Variants in COL27A1 observed in about 807,000 individuals in gnomAD.
COL27A1 encodes the protein collagen type XXVII alpha 1 chain.
A neutral mutation model predicts 251.3 loss-of-function variants in COL27A1; 106 were observed. The ratio of observed to expected loss-of-function variants is 0.42; its 90% CI spans 0.36 to 0.50. COL27A1 has a LOEUF of 0.50. Ranked by LOEUF, COL27A1 falls within the 20% of genes least tolerant of loss-of-function variation. COL27A1 has a pLI of 0.00. For synonymous variants in COL27A1, 1,000 were observed against 986.3 expected, an observed-to-expected ratio of 1.01 and a Z score of -0.26; for missense variants, 2,325 against 2,522.8, an observed-to-expected ratio of 0.92 and a Z score of 1.68.
chr9:114,243,924 C>G, intron 23 of COL27A1, among the ~76,000 whole-genome samples: 1 of 138,082 alleles, frequency 7.2e-6, no homozygotes, highest in Non-Finnish European at 1.5e-5. Flanking sequence ...TTTTTTCTTT[C>G]ATTTTTTTTT....
intron 32 of COL27A1, among the ~76,000 whole-genome samples, chr9:114,266,060 G>T (rs528503374): frequency 6.6e-6 from 1 of 152,166 alleles, no homozygotes; most frequent in East Asian, 1.9e-4. Flanking sequence ...CTGGAGAGTG[G>T]TGCTACAAGA....
At chr9:114,264,238 G>A in intron 28 of COL27A1, 117 bp from the exon 29 acceptor site, 2 of 718,822 alleles carry the variant, frequency 2.8e-6, no homozygotes, top group Admixed American at 3.3e-5. Context: ...GGGAGGAGGA[G>A]GGGGCCGGAG....
At chr9:114,296,864 A>G (rs573168374) in intron 49 of COL27A1, among the ~76,000 whole-genome samples, 9 of 152,248 alleles carry the variant, frequency 5.9e-5, no homozygotes, top group Non-Finnish European at 1.3e-4. Flanking sequence ...AATACAATTC[A>G]TCAGTAAATG....
At chr9:114,264,519 C>A in intron 29 of COL27A1, 111 bp downstream of exon 29, 2 of 823,826 alleles carry the variant, frequency 2.4e-6, no homozygotes, top group South Asian at 2.4e-5. Context: ...ACAAAGGGAG[C>A]CCCATGGAGG....
intron 5 of COL27A1, among the ~76,000 whole-genome samples, chr9:114,190,398 G>A (rs1828673182): frequency 6.6e-6 from 1 of 152,146 alleles, no homozygotes; most frequent in Non-Finnish European, 1.5e-5. Flanking sequence ...AGCCTCCCAA[G>A]TAGCTGGGAC....
At position 114,310,597 on chromosome 9, in the gene COL27A1, G is replaced by A; in HGVS notation, c.5485G>A (p.Asp1829Asn). The change falls in exon 61 of 61, where the codon GAC becomes AAC. Residue 1829 changes from aspartate (D) to asparagine (N), a missense_variant. Physicochemically the swap from Asp to Asn is conservative, Grantham distance 23. Around this residue, in one of 4 missense-constraint regions of COL27A1, gnomAD observed 327 missense variants for 442.8 expected, o/e 0.74. Transcript: ENST00000356083. The stretch of plus-strand genomic sequence containing the variant: ...GACACTCTTCACCTTCCGGACCCAA[G>A]ACCCCCAACAGCTGCCCATCATCAG... ...HQTLFTFRTQ[D>N]PQQLPIISVD... 6.2e-7 allele frequency: 1 copy of A among 1,614,194 alleles called. No homozygotes were observed. The highest frequency in any genetic ancestry group is 8.5e-7 in the Non-Finnish European group (1 of 1,180,044).
chr9:114,206,244 T>C lies in COL27A1; in HGVS notation c.2224-8T>C. On this transcript the variant is annotated splice_polypyrimidine_tract_variant and splice_region_variant and intron_variant, in intron 9 of 60. Coordinates refer to ENST00000356083, the MANE Select transcript of COL27A1 (RefSeq NM_032888.4). ...TATGTCCTTGCCCCTCTGTGTTTTG[T>C]GTTTCAGGGGTTACCTGGACCGGTA... is the stretch of plus-strand genomic sequence containing the variant. 6.2e-7 allele frequency: 1 copy of C among 1,614,054 alleles called. No individual in the cohort carries two copies. The highest frequency in any genetic ancestry group is 1.3e-5 in the African/African-American group (1 of 75,042).
intron 12 of COL27A1, among the ~76,000 whole-genome samples, chr9:114,215,007 C>A (rs1371567012): frequency 6.6e-6 from 1 of 152,248 alleles, no homozygotes; most frequent in East Asian, 1.9e-4. Flanking sequence ...TACTTTCAAG[C>A]CTGCTGGGAT....
At chr9:114,243,674 G>A (rs139256185) in intron 23 of COL27A1, 114 bp downstream of exon 23, 1 of 845,770 alleles carries the variant, frequency 1.2e-6, no homozygotes, top group South Asian at 1.7e-5. Context: ...GAAAAAAATT[G>A]GTTCCTGTTT....
intron 28 of COL27A1, among the ~76,000 whole-genome samples, chr9:114,262,715 G>A (rs1360429567): frequency 1.3e-5 from 2 of 152,224 alleles, no homozygotes; most frequent in African/African-American, 4.8e-5. Flanking sequence ...CCTAGGGCTG[G>A]ACCCCACAAT....
chr9:114,190,052 G>C (rs911792897), intron 5 of COL27A1, among the ~76,000 whole-genome samples: 1 of 152,200 alleles, frequency 6.6e-6, no homozygotes, highest in Non-Finnish European at 1.5e-5. Flanking sequence ...TAGTCGTACT[G>C]ATAGTGAGAG....
At chr9:114,176,444 G>A (rs907569600) in intron 3 of COL27A1, among the ~76,000 whole-genome samples, 4 of 151,854 alleles carry the variant, frequency 2.6e-5, no homozygotes, top group East Asian at 1.9e-4. Context: ...ATTATCTGTC[G>A]GCTAGGTGCT....
intron 57 of COL27A1, chr9:114,306,071 G>A: frequency 6.3e-6 from 1 of 157,668 alleles, no homozygotes; most frequent in Non-Finnish European, 1.4e-5. Flanking sequence ...GTGCCTGCTG[G>A]CCCCAGTCCC....
intron 45 of COL27A1, 84 bp downstream of exon 45, chr9:114,289,379 AG>A: frequency 7.6e-7 from 1 of 1,322,012 alleles, no homozygotes; most frequent in South Asian, 1.4e-5. Flanking sequence ...AACCAAACGC[AG>A]GCTGCAGAGG....
Position 114,182,214 on chromosome 9 carries a change from A to T in COL27A1, c.1963-808A>T, listed in dbSNP as rs148053185. Among the ~76,000 whole-genome samples, 1,406 of 143,938 alleles carry T rather than the reference A, an allele frequency of 9.8e-3. 24 individuals carry two copies. Among genetic ancestry groups the T allele is most frequent in the African/African-American group, 0.034 (1,294 of 37,686 alleles). 94.4% of individuals were successfully genotyped at this position (143,938 alleles called of 152,430 possible). On this transcript the variant is annotated intron_variant, in intron 4 of 60. Coordinates refer to ENST00000356083, the MANE Select transcript of COL27A1 (RefSeq NM_032888.4). ...TAAAATAATAAAAATAATAAAATAA[A>T]AATAATAATAAAATAATAAAAATTA...
Position 114,309,283 on chromosome 9 carries a change from C to T in COL27A1, c.5241C>T (p.Val1747=). ...AGGTCGAGTTTGCCATCAGCCGGGTCCAGATGAATTTCCTGCACCTGCTAA... is the reference window on the plus strand; with the variant it reads ...AGGTCGAGTTTGCCATCAGCCGGGTTCAGATGAATTTCCTGCACCTGCTAA... ...ASKVEFAISR[V]QMNFLHLLSS... is the part of the protein sequence containing the mutation. Residue 1747 remains valine (V), a synonymous_variant, in exon 60 of 61, where the codon GTC becomes GTT. Transcript: ENST00000356083. 1 of 1,614,158 alleles carries T rather than the reference C, an allele frequency of 6.2e-7. No homozygotes were observed. Among genetic ancestry groups the T allele is most frequent in the Non-Finnish European group, 8.5e-7 (1 of 1,180,034 alleles).
intron 5 of COL27A1, among the ~76,000 whole-genome samples, chr9:114,184,119 GGA>G (rs1454123596): frequency 8.5e-5 from 4 of 47,112 alleles, no homozygotes; most frequent in African/African-American, 2.6e-4. Flanking sequence ...AAGGAGCTGT[GGA>G]GGGGGCAGAT....
chr9:114,305,322 A>C (rs897672595), intron 57 of COL27A1, among the ~76,000 whole-genome samples: 1 of 152,208 alleles, frequency 6.6e-6, no homozygotes, highest in African/African-American at 2.4e-5. Flanking sequence ...GGAGGACAGC[A>C]TGGATGAGCC....
At chr9:114,193,949 T>C (rs1190499762) in intron 5 of COL27A1, among the ~76,000 whole-genome samples, 1 of 152,062 alleles carries the variant, frequency 6.6e-6, no homozygotes, top group African/African-American at 2.4e-5. Flanking sequence ...AGCTGTGAAC[T>C]GAAGAATGTT....
Sources: gnomAD v4.1 joint callset for allele counts (sites outside exome capture counted in the v4.1 genomes callset) on GRCh38, gnomAD v4.1.1 for gene constraint, gnomAD v4.1.1 regional missense constraint, MANE v1.5 for transcripts, NCBI Gene and HGNC (gene_info 2026-07-23, HGNC 2026-07-21) for gene names.